Variants in GALNS observed in about 807,000 individuals in gnomAD.
The protein encoded by GALNS is galactosamine (N-acetyl)-6-sulfatase, also known as N-acetylgalactosamine-6-sulfatase.
In GALNS, 65 loss-of-function variants were observed where a neutral mutation model predicts 65.9. The ratio of observed to expected loss-of-function variants is 0.99; its 90% CI spans 0.81 to 1.21. GALNS has a LOEUF of 1.21. Ranked by LOEUF, GALNS falls within the 50% of genes most tolerant of loss-of-function variation. The pLI, the probability that GALNS is intolerant of heterozygous loss-of-function variation, is 0.00. For missense variants in GALNS, 776 were observed against 700.7 expected (o/e 1.11, Z -1.21); for synonymous variants, 346 against 288.9 (o/e 1.20, Z -2.00).
At chr16:88,852,351 G>T (rs1967543809) in intron 1 of GALNS, among the ~76,000 whole-genome samples, 2 of 152,176 alleles carry the variant, frequency 1.3e-5, no homozygotes, top group African/African-American at 4.8e-5. Flanking sequence ...CAACAAAAAG[G>T]ACATCTACGC....
At position 88,856,915 on chromosome 16, in the gene GALNS, C is replaced by G. The variant is rs1400904848; in HGVS notation, c.-38G>C. 2.5e-5 allele frequency: 37 copies of G among 1,487,838 alleles called. No homozygotes were observed. The highest frequency in any genetic ancestry group is 3.2e-5 in the Non-Finnish European group (36 of 1,127,426). The allele number at this position is 1,487,838 out of a possible 1,614,324, so 92.2% of individuals were successfully genotyped here. On this transcript the variant is annotated 5_prime_UTR_variant, in exon 1 of 14. Coordinates refer to ENST00000268695, the MANE Select transcript of GALNS (RefSeq NM_000512.5). ...AGCCGCGGAGCCCCGGCCAGCGAGCCGACCTAGCGAGCGTCCGCCGGCCCT... is the reference window on the plus strand; with the variant it reads ...AGCCGCGGAGCCCCGGCCAGCGAGCGGACCTAGCGAGCGTCCGCCGGCCCT...
chr16:88,822,827 T>C, intron 11 of GALNS, 117 bp from the exon 12 acceptor site: 2 of 1,465,106 alleles, frequency 1.4e-6, no homozygotes, highest in African/African-American at 1.4e-5. Context: ...TGTCTGCCTG[T>C]GTCCTGGAGC....
In GALNS at chr16:88,835,802, G is replaced by A; in HGVS notation, c.681C>T (p.Phe227=). 6.2e-7 allele frequency: 1 copy of A among 1,614,062 alleles called. No homozygotes were observed. The highest frequency in any genetic ancestry group is 8.5e-7 in the Non-Finnish European group (1 of 1,179,964). ...IKRQARHHPF[F]LYWAVDATHA... ...GCGTGGCGTCGACAGCCCAGTAGAG[G>A]AAAAAGGGGTGGTGCCGTGCCTGTC... The change falls in exon 7 of 14, where the codon TTC becomes TTT. Residue 227 remains phenylalanine (F), a synonymous_variant. Transcript: ENST00000268695.
At chr16:88,827,785 C>T (rs776830872) in intron 9 of GALNS, among the ~76,000 whole-genome samples, 10 of 152,156 alleles carry the variant, frequency 6.6e-5, no homozygotes, top group African/African-American at 2.2e-4. Flanking sequence ...GGTCACTCGA[C>T]GGGGAGACTG....
intron 3 of GALNS, among the ~76,000 whole-genome samples, chr16:88,841,621 C>T (rs974368477): frequency 3.3e-5 from 5 of 152,238 alleles, no homozygotes; most frequent in Non-Finnish European, 7.3e-5. Context: ...GGGTGTGCGG[C>T]TCACCCGCCT....
chr16:88,819,418 G>A (rs1173937521), intron 12 of GALNS, among the ~76,000 whole-genome samples: 1 of 152,274 alleles, frequency 6.6e-6, no homozygotes, highest in Non-Finnish European at 1.5e-5. Context: ...GTGCATTTGT[G>A]TTTCTGCAGG....
At chr16:88,835,929 C>T (rs952471598) in intron 6 of GALNS, 80 bp from the exon 7 acceptor site, 3 of 1,603,260 alleles carry the variant, frequency 1.9e-6, no homozygotes, top group South Asian at 2.2e-5. Context: ...CCCCACACGT[C>T]CCACGGGGCG....
At chr16:88,856,064 C>G (rs1337502763) in intron 1 of GALNS, 5 of 657,288 alleles carry the variant, frequency 7.6e-6, no homozygotes, top group East Asian at 2.7e-5. Flanking sequence ...ATGCCCCAGG[C>G]AGGCTCATTC....
chr16:88,842,777 T>C lies in GALNS; in HGVS notation c.173A>G (p.Asn58Ser). The change falls in exon 2 of 14, where the codon AAT (asparagine) becomes AGT (serine). Residue 58 changes from asparagine to serine, a missense_variant. Coordinates refer to ENST00000268695, the MANE Select transcript of GALNS (RefSeq NM_000512.5). ...CCCTTCTGCAGCCATCCGGTCCAAA[T>C]TCGGGGTCTCTCTGGAGGGCTCTCC... ...VYGEPSRETP[N>S]LDRMAAEGLL... 6.2e-7 allele frequency: 1 copy of C among 1,613,320 alleles called. No individual in the cohort carries two copies. The highest frequency in any genetic ancestry group is 1.7e-5 in the Admixed American group (1 of 59,956).
intron 9 of GALNS, among the ~76,000 whole-genome samples, chr16:88,828,764 C>T (rs999774882): frequency 9.9e-5 from 15 of 152,224 alleles, no homozygotes; most frequent in African/African-American, 2.9e-4. Context: ...GGGGTACAGA[C>T]GTCCCTGAAC....
At chr16:88,827,105 A>G (rs1401900781) in intron 9 of GALNS, 4 of 568,432 alleles carry the variant, frequency 7.0e-6, no homozygotes, top group Non-Finnish European at 1.3e-5. Flanking sequence ...ATGAAAGGAG[A>G]ATCACAGCCC....
At chr16:88,831,206 G>A (rs982546517) in intron 9 of GALNS, among the ~76,000 whole-genome samples, 4 of 152,024 alleles carry the variant, frequency 2.6e-5, no homozygotes, top group Non-Finnish European at 5.9e-5. Context: ...ACCTGGTTCC[G>A]AGGAGAGCGG....
At chr16:88,826,596 G>T in intron 10 of GALNS, 106 bp downstream of exon 10, 1 of 1,387,314 alleles carries the variant, frequency 7.2e-7, no homozygotes, top group Non-Finnish European at 1.0e-6. Context: ...GCACGCCTGT[G>T]TCCAGAACCA....
intron 1 of GALNS, among the ~76,000 whole-genome samples, chr16:88,851,218 A>G (rs1397483329): frequency 6.6e-6 from 1 of 152,186 alleles, no homozygotes; most frequent in Non-Finnish European, 1.5e-5. Context: ...TCTCTCCCTT[A>G]AAAGTCCTAA....
At position 88,856,833 on chromosome 16, in the gene GALNS, C is replaced by A. The variant is rs761858336; in HGVS notation, c.45G>T (p.Leu15=). ...VAATRWWQLL[L]VLSAAGMGAS... The stretch of plus-strand genomic sequence containing the variant: ...CCCCCATCCCCGCGGCGCTGAGCAC[C>A]AGCAACAGCTGCCACCACCTCGTCG... The change falls in exon 1 of 14, where the codon CTG becomes CTT. Residue 15 remains leucine, a synonymous_variant. Transcript: ENST00000268695. The A allele has an allele frequency of 2.0e-6, 3 of 1,523,242 alleles. No individual in the cohort carries two copies. The African/African-American group carries it at 4.3e-5, about 22-fold the overall frequency. 94.4% of individuals were successfully genotyped at this position (1,523,242 alleles called of 1,614,324 possible).
In GALNS at chr16:88,814,048, G is replaced by C. The variant is rs999126027; in HGVS notation, c.*391C>G. 8.4e-6 allele frequency: 3 copies of C among 358,836 alleles called. No individual in the cohort carries two copies. The highest frequency in any genetic ancestry group is 6.3e-5 in the African/African-American group (3 of 47,500). 22.2% of individuals were successfully genotyped at this position (358,836 alleles called of 1,614,324 possible). A position where few individuals can be genotyped will look rare whatever the true frequency, so the allele number is the denominator to read the frequency against. On this transcript the variant is annotated 3_prime_UTR_variant, in exon 14 of 14. Coordinates refer to ENST00000268695, the MANE Select transcript of GALNS (RefSeq NM_000512.5). Reference sequence around the variant, plus strand: ...TTGTGTCTCCCTAAGATGTATAAAGGCAAACTGTATCCCCAGCCACCTCAG... The same window carrying C: ...TTGTGTCTCCCTAAGATGTATAAAGCCAAACTGTATCCCCAGCCACCTCAG...
chr16:88,814,990 C>T (rs1909477543), intron 13 of GALNS: 1 of 977,070 alleles, frequency 1.0e-6, no homozygotes, highest in African/African-American at 1.8e-5. Context: ...GCCTTGGCCT[C>T]CCAAAGTGCT....
chr16:88,856,907 C>A lies in GALNS; in HGVS notation c.-30G>T, dbSNP rs1967950525. The A allele has an allele frequency of 1.3e-6, 2 of 1,498,342 alleles. 1 individual carries two copies. The highest frequency in any genetic ancestry group is 2.5e-5 in the South Asian group (2 of 80,402). 92.8% of individuals were successfully genotyped at this position (1,498,342 alleles called of 1,614,324 possible). On this transcript the variant is annotated 5_prime_UTR_variant, in exon 1 of 14. Coordinates refer to ENST00000268695, the MANE Select transcript of GALNS (RefSeq NM_000512.5). ...ACCACGGGAGCCGCGGAGCCCCGGC[C>A]AGCGAGCCGACCTAGCGAGCGTCCG...
chr16:88,855,338 G>A (rs1017890283), intron 1 of GALNS: 4 of 699,926 alleles, frequency 5.7e-6, no homozygotes, highest in African/African-American at 5.3e-5. Context: ...GTTACACAAT[G>A]AAAAGAAGAA....
Sources: gnomAD v4.1 joint callset for allele counts (sites outside exome capture counted in the v4.1 genomes callset) on GRCh38, gnomAD v4.1.1 for gene constraint, MANE v1.5 for transcripts, NCBI Gene and HGNC (gene_info 2026-07-23, HGNC 2026-07-21) for gene names.